Variants in PDZRN3 observed in about 807,000 individuals in gnomAD.
PDZRN3 encodes PDZ domain containing ring finger 3, also known as E3 ubiquitin-protein ligase PDZRN3.
Under a neutral mutation model 85.7 loss-of-function variants are expected in PDZRN3, and 38 were observed. The observed-to-expected ratio is 0.44, with a 90% CI of 0.34 to 0.58. The LOEUF (loss-of-function observed/expected upper bound fraction) is 0.58. PDZRN3 is among the 20% of genes least tolerant of loss of function. The probability of loss-of-function intolerance (pLI) is 0.01; values close to 1 mark genes in which losing one functional copy is unlikely to be tolerated. For missense variants in PDZRN3, 1,629 were observed against 1,506.4 expected (o/e 1.08, Z -1.35); for synonymous variants, 759 against 638.0 (o/e 1.19, Z -2.86).
At position 73,384,760 on chromosome 3, in the gene PDZRN3, C is replaced by T; in HGVS notation, c.1806G>A (p.Gly602=). Residue 602 remains glycine, a synonymous_variant, in exon 10 of 10, where the codon GGG becomes GGA. Transcript: ENST00000263666. The stretch of plus-strand genomic sequence containing the variant: ...CCTGGCTGCAGGTGAGCTTCCTCTG[C>T]CCCGCCAGCGGGTTGGAGGATGCGG... ...DATASSNPLA[G]QRKLTCSQDT... is the part of the protein sequence containing the mutation. 3 of 1,613,922 alleles carry T rather than the reference C, an allele frequency of 1.9e-6. No individual in the cohort carries two copies. The highest frequency in any genetic ancestry group is 2.5e-6 in the Non-Finnish European group (3 of 1,180,038).
chr3:73,507,964 G>A (rs1183563734), intron 3 of PDZRN3, among the ~76,000 whole-genome samples: 3 of 152,044 alleles, frequency 2.0e-5, no homozygotes, highest in Non-Finnish European at 2.9e-5. Flanking sequence ...ATGGTGGCAC[G>A]TGCCTGTAAA....
At chr3:73,565,171 C>T (rs1338205670) in intron 3 of PDZRN3, among the ~76,000 whole-genome samples, 2 of 147,454 alleles carry the variant, frequency 1.4e-5, no homozygotes, top group Non-Finnish European at 3.0e-5. Context: ...CTCTGTTGCC[C>T]AGGCTGGAGC....
At chr3:73,526,321 T>A (rs1365310422) in intron 3 of PDZRN3, among the ~76,000 whole-genome samples, 3 of 152,182 alleles carry the variant, frequency 2.0e-5, no homozygotes. Flanking sequence ...AATTTACTTG[T>A]ATATTCATAA....
At chr3:73,434,426 C>T (rs1702492176) in intron 3 of PDZRN3, among the ~76,000 whole-genome samples, 2 of 152,084 alleles carry the variant, frequency 1.3e-5, no homozygotes, top group Admixed American at 1.3e-4. Context: ...GGAAAATACT[C>T]CACATATGAA....
rs527715619 is a variant in PDZRN3 at position 73,572,382 on chromosome 3, A to C, written c.918+29972T>G. ...GAAATCCAATGCTGTGTTCTATTCC[A>C]GTATACTCTAAGTTGACATAAAAAA... is the stretch of plus-strand genomic sequence containing the variant. On this transcript the variant is annotated intron_variant, in intron 3 of 9. Coordinates refer to ENST00000263666, the MANE Select transcript of PDZRN3 (RefSeq NM_015009.3). 5.8e-4 allele frequency among the ~76,000 whole-genome samples: 88 copies of C among 152,314 alleles called. No homozygotes were observed. The South Asian group carries it at 0.017, about 30-fold the overall frequency.
intron 3 of PDZRN3, among the ~76,000 whole-genome samples, chr3:73,443,980 T>C (rs1395207086): frequency 6.6e-6 from 1 of 152,208 alleles, no homozygotes. Flanking sequence ...GATCCCACCA[T>C]ATGTAACATG....
chr3:73,576,625 C>A (rs1702127697), intron 3 of PDZRN3, among the ~76,000 whole-genome samples: 1 of 152,200 alleles, frequency 6.6e-6, no homozygotes, highest in Non-Finnish European at 1.5e-5. Flanking sequence ...ACAAGCATCA[C>A]CACCAAACAC....
At chr3:73,579,576 T>C (rs1479991361) in intron 3 of PDZRN3, among the ~76,000 whole-genome samples, 1 of 152,186 alleles carries the variant, frequency 6.6e-6, no homozygotes. Context: ...GATGAGAACA[T>C]AGAGGTCGAC....
intron 3 of PDZRN3, chr3:73,569,072 A>G (rs1702001508): frequency 1.2e-6 from 1 of 852,872 alleles, no homozygotes; most frequent in Non-Finnish European, 1.7e-6. Context: ...TAACTGGCCC[A>G]AAGTATGTGC....
intron 3 of PDZRN3, among the ~76,000 whole-genome samples, chr3:73,501,955 C>T (rs1703988698): frequency 6.6e-6 from 1 of 152,108 alleles, no homozygotes; most frequent in Admixed American, 6.5e-5. Context: ...GGCGGAGATG[C>T]AGTGAGCTGA....
chr3:73,572,015 G>GT (rs1702052716), intron 3 of PDZRN3, among the ~76,000 whole-genome samples: 1 of 152,090 alleles, frequency 6.6e-6, no homozygotes. Flanking sequence ...ATCTAATCAG[G>GT]TTTGTGACAA....
intron 3 of PDZRN3, among the ~76,000 whole-genome samples, chr3:73,452,839 C>CTGTCTGTGTGTGTGTGTGTG (rs1702892764): frequency 7.1e-6 from 1 of 140,618 alleles, no homozygotes; most frequent in Non-Finnish European, 1.5e-5. Context: ...GTCCATATAT[C>CTGTCTGTGTGTGTGTGTGTG]TGTGTGTGTG....
rs185966976 is a variant in PDZRN3, at chr3:73,521,663, C to T, written c.918+80691G>A. On this transcript the variant is annotated intron_variant, in intron 3 of 9. Transcript: ENST00000263666. ...TCTGCTGTAAGTCTAAAGCATTTTG[C>T]ATACTGCGTTGTAATTATTCTTCTT... 1.8e-4 allele frequency among the ~76,000 whole-genome samples: 27 copies of T among 152,300 alleles called. No homozygotes were observed. The East Asian group carries it at 5.2e-3, about 29-fold the overall frequency.
At chr3:73,518,566 C>T (rs1366377398) in intron 3 of PDZRN3, among the ~76,000 whole-genome samples, 1 of 151,944 alleles carries the variant, frequency 6.6e-6, no homozygotes, top group Non-Finnish European at 1.5e-5. Flanking sequence ...CTGAGGTATA[C>T]CTACTTTCTC....
intron 3 of PDZRN3, among the ~76,000 whole-genome samples, chr3:73,588,943 C>T (rs754778933): frequency 2.6e-5 from 4 of 152,250 alleles, no homozygotes; most frequent in South Asian, 4.1e-4. Context: ...GATTTTTCTC[C>T]GATGAAGGGG....
chr3:73,599,742 G>A (rs1352889433), intron 3 of PDZRN3, among the ~76,000 whole-genome samples: 2 of 152,122 alleles, frequency 1.3e-5, no homozygotes, highest in Non-Finnish European at 2.9e-5. Context: ...CATCCTGTAC[G>A]GCAAGGCCAT....
rs1443688972 is a variant in PDZRN3 at position 73,441,806 on chromosome 3, CA to C, written c.919-37412del. On this transcript the variant is annotated intron_variant, in intron 3 of 9. Coordinates refer to ENST00000263666, the MANE Select transcript of PDZRN3 (RefSeq NM_015009.3). ...GGTAAAGAAAACAATCCAGGAAACACAATGTACTCGTGAGGATGCCGATCAA... is the reference window on the plus strand; with the variant it reads ...GGTAAAGAAAACAATCCAGGAAACACATGTACTCGTGAGGATGCCGATCAA... 3.9e-5 allele frequency among the ~76,000 whole-genome samples: 6 copies of C among 152,196 alleles called. 1 individual carries two copies. The highest frequency in any genetic ancestry group is 3.9e-4 in the Admixed American group (6 of 15,274).
chr3:73,624,011 G>T, intron 1 of PDZRN3, 92 bp downstream of exon 1: 1 of 1,218,770 alleles, frequency 8.2e-7, no homozygotes, highest in Non-Finnish European at 1.1e-6. Flanking sequence ...TTCCCGGGAA[G>T]CTCGGGGCAT....
chr3:73,394,282 C>A, intron 5 of PDZRN3, among the ~76,000 whole-genome samples: 1 of 152,180 alleles, frequency 6.6e-6, no homozygotes, highest in East Asian at 1.9e-4. Context: ...AGAAGAGGGT[C>A]CAATTAATAG....
Sources: allele counts gnomAD v4.1 joint callset (sites outside exome capture counted in the v4.1 genomes callset), GRCh38; gene constraint gnomAD v4.1.1; transcripts MANE v1.5; gene names NCBI Gene and HGNC (gene_info 2026-07-23, HGNC 2026-07-21).